The following HAS2 variants were observed in gnomAD, a reference collection of about 807,000 sequenced individuals.
The protein encoded by HAS2 is HA synthase 2.
Under a neutral mutation model 51.6 loss-of-function variants are expected in HAS2, and 16 were observed. The ratio of observed to expected loss-of-function variants is 0.31; its 90% CI spans 0.21 to 0.47. The LOEUF is 0.47. Ranked by LOEUF, HAS2 falls within the 20% of genes least tolerant of loss-of-function variation. The probability of loss-of-function intolerance (pLI) is 1.00; values close to 1 mark genes in which losing one functional copy is unlikely to be tolerated. For missense variants in HAS2, 361 were observed against 662.6 expected, an observed-to-expected ratio of 0.54 and a Z score of 5.00; for synonymous variants, 228 against 235.5, an observed-to-expected ratio of 0.97 and a Z score of 0.29.
rs1265191044 is a variant in HAS2, at chr8:121,613,840, C to A, written c.*269G>T. On this transcript the variant is annotated 3_prime_UTR_variant, in exon 4 of 4. Transcript: ENST00000303924. The stretch of plus-strand genomic sequence containing the variant: ...CTAGTGAGGTATATAGGGCAAAACA[C>A]TTTCAGGCGGATGCACAGTAAGGAA... 1.0e-5 allele frequency: 5 copies of A among 489,370 alleles called. No individual in the cohort carries two copies. The highest frequency in any genetic ancestry group is 2.1e-5 in the South Asian group (1 of 47,184). 30.3% of individuals were successfully genotyped at this position (489,370 alleles called of 1,614,324 possible).
chr8:121,627,044 CA>C (rs1812863832), intron 2 of HAS2, among the ~76,000 whole-genome samples: 1 of 151,898 alleles, frequency 6.6e-6, no homozygotes, highest in South Asian at 2.1e-4. Context: ...AAATTCAAAA[CA>C]AAAATGATGG....
chr8:121,635,883 A>G (rs1481001056), intron 1 of HAS2, among the ~76,000 whole-genome samples: 4 of 152,260 alleles, frequency 2.6e-5, no homozygotes, highest in Admixed American at 2.6e-4. Context: ...CATGATAATT[A>G]GAATTGGGAA....
Position 121,612,926 on chromosome 8 carries a change from G to A in HAS2, c.*1183C>T, listed in dbSNP as rs1812655690. 1 of 148,588 alleles carries A rather than the reference G, an allele frequency of 6.7e-6. No individual in the cohort carries two copies. The highest frequency in any genetic ancestry group is 1.5e-5 in the Non-Finnish European group (1 of 67,462). 9.2% of individuals were successfully genotyped at this position (148,588 alleles called of 1,614,324 possible). A position where few individuals can be genotyped will look rare whatever the true frequency, so the allele number is the denominator to read the frequency against. ...ACCCGTGTAAACATTATACTAACAT[G>A]TAAAGTGAACTGGCAAGTTGAAAAA... On this transcript the variant is annotated 3_prime_UTR_variant, in exon 4 of 4. Coordinates refer to ENST00000303924, the MANE Select transcript of HAS2 (RefSeq NM_005328.3).
intron 2 of HAS2, among the ~76,000 whole-genome samples, chr8:121,619,515 TC>T (rs952075244): frequency 1.3e-5 from 2 of 152,102 alleles, no homozygotes; most frequent in African/African-American, 4.8e-5. Flanking sequence ...CCATTTAGGT[TC>T]AGCATAGTCT....
At position 121,623,329 on chromosome 8, in the gene HAS2, G is replaced by A. The variant is rs75646314; in HGVS notation, c.627+5385C>T. ...ATAAAAGGTGCAAAACAAAGGTGAC[G>A]AGCCAGCTGGAAAAGTGAGAAACCA... On this transcript the variant is annotated intron_variant, in intron 2 of 3. Transcript: ENST00000303924. 7.1e-3 allele frequency among the ~76,000 whole-genome samples: 1,083 copies of A among 152,232 alleles called. 7 individuals are homozygous for A. The highest frequency in any genetic ancestry group is 0.02 in the African/African-American group (818 of 41,540).
intron 1 of HAS2, among the ~76,000 whole-genome samples, chr8:121,636,457 C>G (rs1265540640): frequency 6.6e-6 from 1 of 152,094 alleles, no homozygotes; most frequent in Non-Finnish European, 1.5e-5. Context: ...CTCTCCAGTC[C>G]CACTGCAGTT....
At position 121,628,835 on chromosome 8, in the gene HAS2, T is replaced by C; in HGVS notation, c.506A>G (p.Gln169Arg). Reference sequence around the variant, plus strand: ...GGACAAGACCAATTGCGTTACGTGTTGCGAGCTTTCTTTATGTGACTCATC... The same window carrying C: ...GGACAAGACCAATTGCGTTACGTGTCGCGAGCTTTCTTTATGTGACTCATC... The part of the protein sequence containing the change: ...ETDESHKESS[Q>R]HVTQLVLSNK... Residue 169 changes from glutamine to arginine, a missense_variant, in exon 2 of 4, where the codon CAA (glutamine) becomes CGA (arginine). Physicochemically the swap from Gln to Arg is conservative, Grantham distance 43. Around this residue, in one of 5 missense-constraint regions of HAS2, gnomAD observed 145 missense variants for 217.6 expected, o/e 0.67. Transcript: ENST00000303924. 6.2e-7 allele frequency: 1 copy of C among 1,614,184 alleles called. No individual in the cohort carries two copies.
chr8:121,628,154 C>T (rs143399302), intron 2 of HAS2, among the ~76,000 whole-genome samples: 7 of 152,092 alleles, frequency 4.6e-5, no homozygotes, highest in Admixed American at 1.3e-4. Flanking sequence ...TGCTTTTGCT[C>T]GAAGATTTTT....
chr8:121,638,999 C>T (rs1422205292), intron 1 of HAS2, among the ~76,000 whole-genome samples: 1 of 152,130 alleles, frequency 6.6e-6, no homozygotes, highest in East Asian at 1.9e-4. Flanking sequence ...TTTAAAATAA[C>T]CTTTTTTAAA....
At chr8:121,616,981 C>T (rs1029934816) in intron 3 of HAS2, 124 bp downstream of exon 3, 4 of 634,932 alleles carry the variant, frequency 6.3e-6, no homozygotes, top group Admixed American at 5.7e-5. Context: ...GTGTCTCAAG[C>T]ACCAACAACA....
chr8:121,620,778 C>G (rs187573442), intron 2 of HAS2, among the ~76,000 whole-genome samples: 172 of 152,074 alleles, frequency 1.1e-3, no homozygotes, highest in African/African-American at 3.4e-3. Context: ...AAACCAAGGC[C>G]TACTGGTCAA....
chr8:121,620,090 A>G (rs1812754407), intron 2 of HAS2, among the ~76,000 whole-genome samples: 1 of 152,228 alleles, frequency 6.6e-6, no homozygotes, highest in South Asian at 2.1e-4. Flanking sequence ...TGTATCAGAA[A>G]GGAAAGCTCA....
In HAS2 at chr8:121,617,331, T is replaced by C. The variant is rs1304337161; in HGVS notation, c.628-125A>G. 7 of 609,392 alleles carry C rather than the reference T, an allele frequency of 1.1e-5. No homozygotes were observed. In the East Asian group the frequency reaches 1.7e-4, roughly 15 times the overall value. 37.7% of individuals were successfully genotyped at this position (609,392 alleles called of 1,614,324 possible). On this transcript the variant is annotated intron_variant, in intron 2 of 3. Transcript: ENST00000303924. ...CTGTCACAAGGCCTCAGTAAGCAAG[T>C]ATCATGATGATAACAGAGGCCTTGT...
chr8:121,640,121 G>C (rs62524941), intron 1 of HAS2: 7,078 of 152,352 alleles, frequency 0.046, 222 homozygotes, highest in Non-Finnish European at 0.066. Flanking sequence ...CCCTCCTCCC[G>C]CTCCTATCTG....
At chr8:121,621,643 C>T (rs1305748278) in intron 2 of HAS2, among the ~76,000 whole-genome samples, 1 of 152,178 alleles carries the variant, frequency 6.6e-6, no homozygotes, top group Non-Finnish European at 1.5e-5. Context: ...TCTCTTACCA[C>T]ATGAACAAAC....
intron 1 of HAS2, among the ~76,000 whole-genome samples, chr8:121,634,280 T>G (rs574541948): frequency 1.3e-5 from 2 of 152,178 alleles, no homozygotes; most frequent in African/African-American, 2.4e-5. Context: ...TCCTTCCATT[T>G]TGGATCTGGA....
chr8:121,616,983 CCAA>C (rs1458363765), intron 3 of HAS2, 119 bp downstream of exon 3: 42 of 642,818 alleles, frequency 6.5e-5, no homozygotes, highest in Admixed American at 3.4e-4. Context: ...GTCTCAAGCA[CCAA>C]CAACAACACC....
rs1586507735 is a variant in HAS2 at position 121,629,106 on chromosome 8, T to C, written c.235A>G (p.Ile79Val). 1 of 1,614,124 alleles carries C rather than the reference T, an allele frequency of 6.2e-7. No individual in the cohort carries two copies. Among genetic ancestry groups the C allele is most frequent in the East Asian group, 2.2e-5 (1 of 44,874 alleles). The change falls in exon 2 of 4, where the codon ATA becomes GTA. Residue 79 changes from isoleucine to valine, a missense_variant. Around this residue, in one of 5 missense-constraint regions of HAS2, gnomAD observed 145 missense variants for 217.6 expected, o/e 0.67. Transcript: ENST00000303924. ...RKMKKSLETP[I>V]KLNKTVALCI... is the part of the protein sequence containing the mutation. The stretch of plus-strand genomic sequence containing the variant: ...AGGGCAACTGTTTTGTTCAACTTTA[T>C]GGGGGTTTCTAGGGATTTTTTCATT...
At chr8:121,632,140 C>T (rs573926162) in intron 1 of HAS2, among the ~76,000 whole-genome samples, 1 of 152,298 alleles carries the variant, frequency 6.6e-6, no homozygotes, top group African/African-American at 2.4e-5. Flanking sequence ...TAGTATGGCA[C>T]ACACAGCATC....
Sources: gnomAD v4.1 joint callset for allele counts (sites outside exome capture counted in the v4.1 genomes callset) on GRCh38, gnomAD v4.1.1 for gene constraint, gnomAD v4.1.1 regional missense constraint, MANE v1.5 for transcripts, NCBI Gene and HGNC (gene_info 2026-07-23, HGNC 2026-07-21) for gene names.